The following SIPA1L2 variants were observed in gnomAD, a reference collection of about 807,000 sequenced individuals.
SIPA1L2 encodes signal induced proliferation associated 1 like 2, also known as signal-induced proliferation-associated 1-like protein 2.
A neutral mutation model predicts 163.9 loss-of-function variants in SIPA1L2; 56 were observed. The observed-to-expected ratio is 0.34, with a 90% CI of 0.28 to 0.43. The LOEUF (loss-of-function observed/expected upper bound fraction) is 0.43, where lower values mean the gene tolerates loss of function less well. Ranked by LOEUF, SIPA1L2 falls within the 20% of genes least tolerant of loss-of-function variation. The pLI, the probability that SIPA1L2 is intolerant of heterozygous loss-of-function variation, is 1.00. For synonymous variants in SIPA1L2, 877 were observed against 865.7 expected (o/e 1.01, Z -0.23); for missense variants, 1,974 against 2,193.5 (o/e 0.90, Z 2.00).
At chr1:232,470,404 A>T (rs1664743015) in intron 8 of SIPA1L2, among the ~76,000 whole-genome samples, 1 of 152,168 alleles carries the variant, frequency 6.6e-6, no homozygotes, top group African/African-American at 2.4e-5. Flanking sequence ...GATGGTTTTC[A>T]GACTTTGTTC....
intron 1 of SIPA1L2, among the ~76,000 whole-genome samples, chr1:232,610,052 C>T (rs1426397423): frequency 6.6e-6 from 1 of 152,090 alleles, no homozygotes; most frequent in East Asian, 1.9e-4. Flanking sequence ...TGCACATTTT[C>T]ATGGAACAAA....
chr1:232,426,490 C>G (rs1661911181), intron 17 of SIPA1L2, among the ~76,000 whole-genome samples: 2 of 152,092 alleles, frequency 1.3e-5, no homozygotes, highest in South Asian at 2.1e-4. Context: ...AAAACCCTGT[C>G]TCCACTAAAA....
chr1:232,399,685 C>T (rs1483491016), intron 22 of SIPA1L2, among the ~76,000 whole-genome samples: 1 of 152,122 alleles, frequency 6.6e-6, no homozygotes, highest in Non-Finnish European at 1.5e-5. Flanking sequence ...AAAATATGTA[C>T]TTAGGTCTTT....
intron 8 of SIPA1L2, among the ~76,000 whole-genome samples, chr1:232,466,520 G>C (rs1305182541): frequency 6.6e-6 from 1 of 152,194 alleles, no homozygotes; most frequent in Non-Finnish European, 1.5e-5. Flanking sequence ...GCCAGGTGCG[G>C]TGGCTCATGC....
chr1:232,480,651 T>C (rs7553256), intron 6 of SIPA1L2, among the ~76,000 whole-genome samples: 35,222 of 152,164 alleles, frequency 0.23, 4,321 homozygotes, highest in Admixed American at 0.34. Context: ...CAAAAAGATA[T>C]ACAAAAAGGA....
chr1:232,602,552 A>C (rs1247558514), intron 1 of SIPA1L2, among the ~76,000 whole-genome samples: 1 of 151,972 alleles, frequency 6.6e-6, no homozygotes, highest in Non-Finnish European at 1.5e-5. Flanking sequence ...GCTGGTCTTG[A>C]ACTCCTGACC....
chr1:232,577,514 G>GC (rs1389934666), intron 1 of SIPA1L2, among the ~76,000 whole-genome samples: 1 of 152,116 alleles, frequency 6.6e-6, no homozygotes, highest in Admixed American at 6.5e-5. Flanking sequence ...ATCACAGATA[G>GC]CAATTCCTCT....
At chr1:232,628,475 T>C (rs1167585298) in intron 1 of SIPA1L2, among the ~76,000 whole-genome samples, 4 of 152,216 alleles carry the variant, frequency 2.6e-5, no homozygotes, top group African/African-American at 9.6e-5. Flanking sequence ...CTAAACAGAA[T>C]GACAAAACTA....
At chr1:232,541,298 T>TAACATAAC (rs748182999) in intron 2 of SIPA1L2, among the ~76,000 whole-genome samples, 1 of 146,996 alleles carries the variant, frequency 6.8e-6, no homozygotes, top group Non-Finnish European at 1.5e-5. Flanking sequence ...TAACATAACA[T>TAACATAAC]AACAGAATAT....
At chr1:232,579,205 C>T (rs975033787) in intron 1 of SIPA1L2, among the ~76,000 whole-genome samples, 7 of 152,182 alleles carry the variant, frequency 4.6e-5, no homozygotes, top group Non-Finnish European at 1.0e-4. Context: ...TTTCTTTCCA[C>T]TGAAATGAAC....
At chr1:232,403,870 A>G (rs1267995789) in intron 20 of SIPA1L2, among the ~76,000 whole-genome samples, 1 of 152,188 alleles carries the variant, frequency 6.6e-6, no homozygotes, top group African/African-American at 2.4e-5. Flanking sequence ...CATCCCAAGA[A>G]ATGCCAAAGC....
At chr1:232,447,599 T>G (rs1041682272) in intron 10 of SIPA1L2, among the ~76,000 whole-genome samples, 2 of 152,274 alleles carry the variant, frequency 1.3e-5, no homozygotes, top group Non-Finnish European at 2.9e-5. Flanking sequence ...GCCATGCAAG[T>G]GCATGCAGTA....
intron 1 of SIPA1L2, among the ~76,000 whole-genome samples, chr1:232,603,292 G>C (rs555722947): frequency 1.3e-5 from 2 of 152,204 alleles, no homozygotes. Flanking sequence ...AGAAAGGCCA[G>C]ACAGGTAAAG....
intron 1 of SIPA1L2, among the ~76,000 whole-genome samples, chr1:232,616,881 A>T (rs1662527099): frequency 6.6e-6 from 1 of 152,230 alleles, no homozygotes; most frequent in South Asian, 2.1e-4. Flanking sequence ...GCGGGTGGTT[A>T]ACTAAGTCTA....
At chr1:232,625,832 C>G (rs1663044225) in intron 1 of SIPA1L2, among the ~76,000 whole-genome samples, 1 of 152,154 alleles carries the variant, frequency 6.6e-6, no homozygotes, top group Non-Finnish European at 1.5e-5. Context: ...CCGTTACTTG[C>G]AATGTTCAGG....
chr1:232,414,452 G>A (rs1661133800), intron 19 of SIPA1L2, among the ~76,000 whole-genome samples: 1 of 152,184 alleles, frequency 6.6e-6, no homozygotes, highest in Non-Finnish European at 1.5e-5. Flanking sequence ...AAAAGAATTT[G>A]ATTTTGTTTC....
chr1:232,520,497 C>A (rs904190135), intron 2 of SIPA1L2, among the ~76,000 whole-genome samples: 1 of 152,112 alleles, frequency 6.6e-6, no homozygotes, highest in African/African-American at 2.4e-5. Flanking sequence ...TGTTTTTCGA[C>A]GTTTTCCATG....
At chr1:232,401,464 T>C (rs559009741) in intron 22 of SIPA1L2, among the ~76,000 whole-genome samples, 1 of 152,330 alleles carries the variant, frequency 6.6e-6, no homozygotes, top group East Asian at 1.9e-4. Context: ...CACAAAACTC[T>C]TATACTCCCA....
intron 1 of SIPA1L2, among the ~76,000 whole-genome samples, chr1:232,606,632 T>C (rs1384867609): frequency 6.7e-6 from 1 of 148,652 alleles, no homozygotes; most frequent in African/African-American, 2.4e-5. Context: ...TTATTATATA[T>C]ACTATATAAT....
Sources: allele counts gnomAD v4.1 joint callset (sites outside exome capture counted in the v4.1 genomes callset), GRCh38; gene constraint gnomAD v4.1.1; transcripts MANE v1.5; gene names NCBI Gene and HGNC (gene_info 2026-07-23, HGNC 2026-07-21).